The following ITPKA variants were observed in gnomAD, a reference collection of about 807,000 sequenced individuals.
ITPKA encodes IP3 3-kinase A.
In ITPKA, 16 loss-of-function variants were observed where a neutral mutation model predicts 40.7. The observed-to-expected ratio is 0.39, with a 90% CI of 0.27 to 0.60. The LOEUF (loss-of-function observed/expected upper bound fraction) is 0.60. ITPKA is among the 20% of genes least tolerant of loss of function. ITPKA has a pLI of 0.50. For missense variants in ITPKA, 540 were observed against 649.3 expected (o/e 0.83, Z 1.83); for synonymous variants, 313 against 289.9 (o/e 1.08, Z -0.81).
chr15:41,500,896 C>T lies in ITPKA; in HGVS notation c.490-567C>T, dbSNP rs544607631. ...TAGTGGTGTGCACCTGTAGTCTCAG[C>T]TACTCGGGAGGCTGAAACAAGAGAA... On this transcript the variant is annotated intron_variant, in intron 1 of 6. Transcript: ENST00000260386. Among the ~76,000 whole-genome samples, 3 of 151,024 alleles carry T rather than the reference C, an allele frequency of 2.0e-5. No homozygotes were observed. In the East Asian group the frequency reaches 5.9e-4, roughly 30 times the overall value.
chr15:41,500,607 G>A (rs1013886546), intron 1 of ITPKA, among the ~76,000 whole-genome samples: 4 of 152,176 alleles, frequency 2.6e-5, no homozygotes, highest in African/African-American at 2.4e-5. Context: ...ACTACTCACA[G>A]CAACCCAGTA....
At position 41,494,982 on chromosome 15, in the gene ITPKA, G is replaced by A. The variant is rs2140671091; in HGVS notation, c.489+566G>A. On this transcript the variant is annotated intron_variant, in intron 1 of 6. Transcript: ENST00000260386. The surrounding 1 kb of genome is among the most constrained non-coding windows in gnomAD (Gnocchi z 7.8). ...GGGCGTGGGCCTGGGAGCTCTGGCTGGGAGCGGAACGCAGCCCACCCAGTG... is the reference window on the plus strand; with the variant it reads ...GGGCGTGGGCCTGGGAGCTCTGGCTAGGAGCGGAACGCAGCCCACCCAGTG... 6.6e-6 allele frequency among the ~76,000 whole-genome samples: 1 copy of A among 152,332 alleles called. No homozygotes were observed. The highest frequency in any genetic ancestry group is 2.1e-4 in the South Asian group (1 of 4,830).
chr15:41,501,994 C>A lies in ITPKA; in HGVS notation c.804-3C>A, dbSNP rs1350447855. The A allele has an allele frequency of 3.7e-6, 6 of 1,612,192 alleles. 1 individual carries two copies. The highest frequency in any genetic ancestry group is 1.7e-4 in the Middle Eastern group (1 of 5,960). On this transcript the variant is annotated splice_region_variant and splice_polypyrimidine_tract_variant and intron_variant, in intron 3 of 6. Transcript: ENST00000260386. Reference sequence around the variant, plus strand: ...GCCCTGGCCGCTGCCTGCGCCCCCACAGGACTTACCTAGAGGAGGAGCTGA... The same window carrying A: ...GCCCTGGCCGCTGCCTGCGCCCCCAAAGGACTTACCTAGAGGAGGAGCTGA...
rs557278347 is a variant in ITPKA, at chr15:41,499,426, A to G, written c.490-2037A>G. ...GATGGTTCGTGTTACGGCAGCAGCT[A>G]TGTCCTCCCAGGGGAAACAGGCCCA... On this transcript the variant is annotated intron_variant, in intron 1 of 6. Transcript: ENST00000260386. 8.5e-5 allele frequency among the ~76,000 whole-genome samples: 13 copies of G among 152,304 alleles called. No homozygotes were observed. In the South Asian group the frequency reaches 2.5e-3, roughly 29 times the overall value.
intron 3 of ITPKA, 22 bp from the exon 4 acceptor site, chr15:41,501,975 G>A (rs1218521596): frequency 6.2e-7 from 1 of 1,608,792 alleles, no homozygotes; most frequent in African/African-American, 1.3e-5. Flanking sequence ...TCATGCCCTG[G>A]CCGCTGCCTG....
intron 1 of ITPKA, among the ~76,000 whole-genome samples, chr15:41,497,648 T>C (rs2051083399): frequency 6.6e-6 from 1 of 152,148 alleles, no homozygotes; most frequent in Admixed American, 6.5e-5. Context: ...CCATACCCAT[T>C]ACTGGCAGGG....
intron 3 of ITPKA, 59 bp from the exon 4 acceptor site, chr15:41,501,938 C>A (rs994129067): frequency 1.9e-6 from 3 of 1,590,480 alleles, no homozygotes; most frequent in Non-Finnish European, 1.7e-6. Flanking sequence ...GGGGCGAGTG[C>A]TCGAAGGGGT....
chr15:41,495,822 G>C (rs1003183983), intron 1 of ITPKA, among the ~76,000 whole-genome samples: 1 of 152,256 alleles, frequency 6.6e-6, no homozygotes, highest in African/African-American at 2.4e-5. Context: ...GCGAAAGGGC[G>C]CGAAGCGCGG....
chr15:41,502,776 C>T lies in ITPKA; in HGVS notation c.1111-12C>T. ...GTTAATTTGCCCTCCTCTCCCACCCCACCCTCTGCAGAGGCGGTATCTGAA... is the reference window on the plus strand; with the variant it reads ...GTTAATTTGCCCTCCTCTCCCACCCTACCCTCTGCAGAGGCGGTATCTGAA... On this transcript the variant is annotated splice_polypyrimidine_tract_variant and intron_variant, in intron 5 of 6. Coordinates refer to ENST00000260386, the MANE Select transcript of ITPKA (RefSeq NM_002220.3). 4.4e-6 allele frequency: 7 copies of T among 1,600,278 alleles called. No individual in the cohort carries two copies. The highest frequency in any genetic ancestry group is 6.0e-6 in the Non-Finnish European group (7 of 1,171,922).
intron 1 of ITPKA, among the ~76,000 whole-genome samples, chr15:41,497,839 GC>G (rs2051085131): frequency 6.6e-6 from 1 of 151,912 alleles, no homozygotes; most frequent in Non-Finnish European, 1.5e-5. Flanking sequence ...GGGCAACATA[GC>G]AAAATCCTGT....
intron 1 of ITPKA, 39 bp from the exon 2 acceptor site, chr15:41,501,424 G>A: frequency 1.9e-6 from 3 of 1,573,380 alleles, no homozygotes; most frequent in Non-Finnish European, 2.6e-6. Flanking sequence ...ATGCATTGCC[G>A]AGACGCCGAT....
At chr15:41,495,618 TCC>T (rs1378789176) in intron 1 of ITPKA, among the ~76,000 whole-genome samples, 1 of 152,126 alleles carries the variant, frequency 6.6e-6, no homozygotes, top group Admixed American at 6.5e-5. Context: ...TTCCCCTTCT[TCC>T]CCGGTGGTCA....
At chr15:41,498,108 G>A (rs1056639061) in intron 1 of ITPKA, among the ~76,000 whole-genome samples, 6 of 151,606 alleles carry the variant, frequency 4.0e-5, no homozygotes, top group African/African-American at 1.5e-4. Context: ...AGCCGAGATC[G>A]CACCACTCAA....
chr15:41,496,537 G>T (rs1453222938), intron 1 of ITPKA, among the ~76,000 whole-genome samples: 2 of 152,220 alleles, frequency 1.3e-5, no homozygotes, highest in Admixed American at 6.5e-5. Context: ...AGGCCCACCC[G>T]CAAGGTCAGC....
At chr15:41,497,994 A>T (rs2140673650) in intron 1 of ITPKA, among the ~76,000 whole-genome samples, 1 of 152,276 alleles carries the variant, frequency 6.6e-6, no homozygotes, top group African/African-American at 2.4e-5. Context: ...TCTACTAAAA[A>T]TATAAAAATT....
At position 41,503,382 on chromosome 15, in the gene ITPKA, T is replaced by G; in HGVS notation, c.*216T>G. The G allele has an allele frequency of 1.7e-6, 1 of 590,346 alleles. No individual in the cohort carries two copies. The allele number at this position is 590,346 out of a possible 1,614,324, so 36.6% of individuals were successfully genotyped here. A position where few individuals can be genotyped will look rare whatever the true frequency, so the allele number is the denominator to read the frequency against. On this transcript the variant is annotated 3_prime_UTR_variant, in exon 7 of 7. Transcript: ENST00000260386. ...TTCCCAGAGCCAAATGACACTAACT[T>G]ATAGAAGGGGAGGGGGCAAAGGGCT...
At chr15:41,495,618 T>C (rs1003426305) in intron 1 of ITPKA, among the ~76,000 whole-genome samples, 1 of 152,126 alleles carries the variant, frequency 6.6e-6, no homozygotes, top group African/African-American at 2.4e-5. Flanking sequence ...TTCCCCTTCT[T>C]CCCCGGTGGT....
At position 41,494,259 on chromosome 15, in the gene ITPKA, C is replaced by T. The variant is rs2140670325; in HGVS notation, c.332C>T (p.Ser111Phe). Residue 111 changes from serine (S) to phenylalanine (F), a missense_variant, in exon 1 of 7, where the codon TCT (serine) becomes TTT (phenylalanine). By Grantham distance (155) the Ser-to-Phe change is radical. Coordinates refer to ENST00000260386, the MANE Select transcript of ITPKA (RefSeq NM_002220.3). This position sits in a 1 kb window ranked among gnomAD's most constrained non-coding sequence, Gnocchi z 7.8. ...AGGGACTGCCTCCCGGCAGCGGGCT[C>T]TTCGCACCTGCAGCAGCCGCGCCGC... is the stretch of plus-strand genomic sequence containing the variant. ...RERDCLPAAG[S>F]SHLQQPRRLS... is the part of the protein sequence containing the mutation. The T allele has an allele frequency of 6.5e-7, 1 of 1,547,328 alleles. No individual in the cohort carries two copies. The highest frequency in any genetic ancestry group is 8.7e-7 in the Non-Finnish European group (1 of 1,154,576).
chr15:41,494,307 C>T lies in ITPKA; in HGVS notation c.380C>T (p.Ser127Phe), dbSNP rs936546733. 1 of 1,541,510 alleles carries T rather than the reference C, an allele frequency of 6.5e-7. No homozygotes were observed. Among genetic ancestry groups the T allele is most frequent in the Non-Finnish European group, 8.7e-7 (1 of 1,151,250 alleles). The change falls in exon 1 of 7, where the codon TCC becomes TTC. Residue 127 changes from serine to phenylalanine, a missense_variant. Transcript: ENST00000260386. The surrounding 1 kb of genome is among the most constrained non-coding windows in gnomAD (Gnocchi z 7.8). ...CGCCTTTCCACCTCGTCGGTCTCCT[C>T]CACTGGCTCCTCGTCGCTGCTCGAG... ...PRRLSTSSVSSTGSSSLLEDS... is the reference protein window; with the variant it reads ...PRRLSTSSVSFTGSSSLLEDS...
Sources: gnomAD v4.1 joint callset for allele counts (sites outside exome capture counted in the v4.1 genomes callset) on GRCh38, gnomAD v4.1.1 for gene constraint, Gnocchi (gnomAD v3.1) non-coding constraint, MANE v1.5 for transcripts, NCBI Gene and HGNC (gene_info 2026-07-23, HGNC 2026-07-21) for gene names.